SHTN1: variants seen among roughly 807,000 people sequenced by gnomAD.
SHTN1 encodes the protein shootin 1.
A neutral mutation model predicts 83.1 loss-of-function variants in SHTN1; 42 were observed. That is an observed-to-expected ratio of 0.51 (90% confidence interval 0.39 to 0.65). The LOEUF (loss-of-function observed/expected upper bound fraction) is 0.65. Among genes scored for constraint, SHTN1 ranks in the 30% least tolerant of loss-of-function variants. SHTN1 has a pLI of 0.00. For synonymous variants in SHTN1, 224 were observed against 247.7 expected, an observed-to-expected ratio of 0.90 and a Z score of 0.90; for missense variants, 622 against 737.8, an observed-to-expected ratio of 0.84 and a Z score of 1.82.
intron 3 of SHTN1, among the ~76,000 whole-genome samples, chr10:116,964,279 C>T (rs1850312534): frequency 6.6e-6 from 1 of 152,190 alleles, no homozygotes. Flanking sequence ...AGCCTCACAA[C>T]AATCCTATAA....
intron 1 of SHTN1, among the ~76,000 whole-genome samples, chr10:117,076,944 G>A (rs1283686697): frequency 6.6e-6 from 1 of 152,126 alleles, no homozygotes; most frequent in East Asian, 1.9e-4. Flanking sequence ...CATTAGTGTT[G>A]CCTTTAGTGT....
chr10:116,886,126 A>G lies in SHTN1; in HGVS notation c.*218T>C. ...TAACTAGGAAAAAAACCTCATCTTT[A>G]TAAAGATCAAAAAACCAAAACCTAC... On this transcript the variant is annotated 3_prime_UTR_variant, in exon 17 of 17. Transcript: ENST00000355371. 4 of 607,156 alleles carry G rather than the reference A, an allele frequency of 6.6e-6. No homozygotes were observed. The South Asian group carries it at 1.0e-4, about 15-fold the overall frequency. The allele number at this position is 607,156 out of a possible 1,614,324, so 37.6% of individuals were successfully genotyped here. A position where few individuals can be genotyped will look rare whatever the true frequency, so the allele number is the denominator to read the frequency against.
intron 2 of SHTN1, among the ~76,000 whole-genome samples, chr10:116,972,786 T>C (rs1219465610): frequency 4.6e-5 from 7 of 152,226 alleles, no homozygotes; most frequent in African/African-American, 1.7e-4. Context: ...TAGAACCCAG[T>C]GGCACAACTG....
intron 9 of SHTN1, among the ~76,000 whole-genome samples, chr10:116,940,084 C>CCAA (rs1385365313): frequency 3.3e-5 from 5 of 152,164 alleles, no homozygotes; most frequent in African/African-American, 7.2e-5. Context: ...CCTATGCCCT[C>CCAA]CAACAAGTGC....
chr10:116,916,304 C>T (rs546331623), intron 12 of SHTN1, among the ~76,000 whole-genome samples: 8 of 152,276 alleles, frequency 5.3e-5, no homozygotes, highest in East Asian at 1.9e-4. Context: ...AATAGCTTGA[C>T]CAAAATCACA....
chr10:117,033,039 C>G (rs1852442985), intron 2 of SHTN1, among the ~76,000 whole-genome samples: 1 of 152,006 alleles, frequency 6.6e-6, no homozygotes, highest in Non-Finnish European at 1.5e-5. Context: ...AGAGCAAAAG[C>G]ATTTCCAAGA....
chr10:117,034,151 A>G (rs905599246), intron 2 of SHTN1, among the ~76,000 whole-genome samples: 2 of 152,154 alleles, frequency 1.3e-5, no homozygotes, highest in African/African-American at 4.8e-5. Flanking sequence ...TTCCACCACT[A>G]TTATTCAACA....
intron 1 of SHTN1, among the ~76,000 whole-genome samples, chr10:117,074,285 G>C (rs1367461702): frequency 2.6e-5 from 4 of 152,084 alleles, no homozygotes; most frequent in African/African-American, 7.2e-5. Context: ...ATCAAACTCT[G>C]TGACAGGGTG....
chr10:117,015,389 TG>T (rs765586241), intron 2 of SHTN1, among the ~76,000 whole-genome samples: 10 of 152,200 alleles, frequency 6.6e-5, no homozygotes, highest in Non-Finnish European at 1.3e-4. Flanking sequence ...TGGAGTGCAA[TG>T]GCACGATCTC....
intron 16 of SHTN1, 124 bp from the exon 17 acceptor site, chr10:116,886,690 G>C: frequency 7.6e-7 from 1 of 1,322,326 alleles, no homozygotes; most frequent in Non-Finnish European, 1.0e-6. Context: ...CATGCATATA[G>C]TAGTCTTTGA....
intron 1 of SHTN1, among the ~76,000 whole-genome samples, chr10:116,999,912 CAAATAAATAAATACAT>C (rs887128824): frequency 2.0e-5 from 3 of 151,866 alleles, no homozygotes; most frequent in Admixed American, 6.6e-5. Context: ...GACTCTGTCT[CAAATAAATAAATACAT>C]AAATAAATAA....
In SHTN1 at chr10:117,000,693, T is replaced by C. The variant is rs142846697; in HGVS notation, c.58+4329A>G. Reference sequence around the variant, plus strand: ...TGTGTCTGCCCGGTCAGCATCCTCATGGTAGTGCACCCCATTCTGTTTTGG... The same window carrying C: ...TGTGTCTGCCCGGTCAGCATCCTCACGGTAGTGCACCCCATTCTGTTTTGG... On this transcript the variant is annotated intron_variant, in intron 1 of 16. Transcript: ENST00000355371. Among the ~76,000 whole-genome samples the C allele has an allele frequency of 2.0e-5, 3 of 152,312 alleles. No homozygotes were observed. In the East Asian group the frequency reaches 5.8e-4, roughly 29 times the overall value.
At chr10:116,969,086 C>T (rs1850504137) in intron 2 of SHTN1, among the ~76,000 whole-genome samples, 1 of 152,204 alleles carries the variant, frequency 6.6e-6, no homozygotes, top group African/African-American at 2.4e-5. Context: ...TGATTCCAAA[C>T]AGCTTCAACT....
Position 116,921,955 on chromosome 10 carries a change from G to A in SHTN1, c.1113-439C>T, listed in dbSNP as rs1304116008. On this transcript the variant is annotated intron_variant, in intron 11 of 16. Transcript: ENST00000355371. ...ATAAAAACATCTGAATCAGCATGAT[G>A]TAGACTAAATACTTATGGATAAAAC... 3.3e-5 allele frequency among the ~76,000 whole-genome samples: 5 copies of A among 152,154 alleles called. No individual in the cohort carries two copies. In the East Asian group the frequency reaches 9.6e-4, roughly 29 times the overall value.
chr10:116,990,288 T>TTTC (rs1554926106), intron 1 of SHTN1, among the ~76,000 whole-genome samples: 3 of 370 alleles, frequency 8.1e-3, no homozygotes, highest in African/African-American at 0.015. Flanking sequence ...TTTTTCTTTC[T>TTTC]TTTTTTTTTT....
intron 2 of SHTN1, among the ~76,000 whole-genome samples, chr10:117,018,511 A>ATTTTT (rs773889109): frequency 5.3e-4 from 73 of 137,118 alleles, no homozygotes; most frequent in African/African-American, 1.9e-3. Context: ...TTTTTTTAAA[A>ATTTTT]AAAAAAAAAA....
At chr10:117,052,024 A>ATAT (rs1417984142) in intron 1 of SHTN1, among the ~76,000 whole-genome samples, 3 of 130,462 alleles carry the variant, frequency 2.3e-5, no homozygotes, top group Non-Finnish European at 5.0e-5. Context: ...ATATATATAG[A>ATAT]AAAGCCTAAG....
intron 1 of SHTN1, among the ~76,000 whole-genome samples, chr10:117,083,701 A>G (rs1853306234): frequency 6.6e-6 from 1 of 152,030 alleles, no homozygotes; most frequent in Admixed American, 6.6e-5. Context: ...GTCTTTTCAC[A>G]TAGTCCCATA....
intron 2 of SHTN1, among the ~76,000 whole-genome samples, chr10:117,032,715 C>T (rs1343498479): frequency 7.2e-5 from 11 of 152,100 alleles, no homozygotes; most frequent in Admixed American, 7.2e-4. Flanking sequence ...CAGAACATTT[C>T]ATCAGTCAGC....
Sources: allele counts gnomAD v4.1 joint callset (sites outside exome capture counted in the v4.1 genomes callset), GRCh38; gene constraint gnomAD v4.1.1; transcripts MANE v1.5; gene names NCBI Gene and HGNC (gene_info 2026-07-23, HGNC 2026-07-21).